ZC3H7A: variants seen among roughly 807,000 people sequenced by gnomAD.
ZC3H7A encodes the protein zinc finger CCCH domain-containing protein 7A.
In ZC3H7A, 44 loss-of-function variants were observed where a neutral mutation model predicts 125.5. The ratio of observed to expected loss-of-function variants is 0.35; its 90% CI spans 0.28 to 0.45. The LOEUF (loss-of-function observed/expected upper bound fraction) is 0.45. ZC3H7A is among the 20% of genes least tolerant of loss of function. ZC3H7A has a pLI of 1.00. For synonymous variants in ZC3H7A, 399 were observed against 391.2 expected (o/e 1.02, Z -0.23); for missense variants, 977 against 1,170.7 (o/e 0.83, Z 2.41).
intron 4 of ZC3H7A, among the ~76,000 whole-genome samples, 170 bp from the exon 5 acceptor site, chr16:11,777,079 C>T (rs2053093307): frequency 6.6e-6 from 1 of 152,036 alleles, no homozygotes; most frequent in Non-Finnish European, 1.5e-5. Flanking sequence ...ATTTCAAATA[C>T]AAAAAAGTAG....
intron 13 of ZC3H7A, among the ~76,000 whole-genome samples, chr16:11,766,437 C>A (rs147788644): frequency 1.3e-5 from 2 of 152,148 alleles, no homozygotes; most frequent in African/African-American, 2.4e-5. Context: ...GGGCGGCACA[C>A]GCCTGTAATT....
chr16:11,795,986 A>T (rs2053430605), intron 1 of ZC3H7A, among the ~76,000 whole-genome samples: 1 of 151,826 alleles, frequency 6.6e-6, no homozygotes, highest in South Asian at 2.1e-4. Context: ...GTGCGCCACC[A>T]CGCCCAGTTA....
chr16:11,788,215 C>T (rs2053288716), intron 1 of ZC3H7A, among the ~76,000 whole-genome samples: 1 of 152,130 alleles, frequency 6.6e-6, no homozygotes, highest in South Asian at 2.1e-4. Context: ...CTGTCCCCAC[C>T]TCACAGGCCA....
intron 19 of ZC3H7A, among the ~76,000 whole-genome samples, chr16:11,760,139 A>AAAAAAAG (rs1567374777): frequency 4.0e-5 from 6 of 149,702 alleles, no homozygotes; most frequent in African/African-American, 1.2e-4. Context: ...AAAAAAAAAA[A>AAAAAAAG]AAAAAAGAAA....
At chr16:11,751,560 T>C (rs1402218975) in intron 22 of ZC3H7A, 54 bp from the exon 23 acceptor site, 8 of 1,543,652 alleles carry the variant, frequency 5.2e-6, no homozygotes, top group Admixed American at 4.2e-5. Context: ...CTAAAAATCG[T>C]GTCATGATTC....
chr16:11,758,286 A>G (rs2052686628), intron 20 of ZC3H7A, 145 bp downstream of exon 20: 2 of 675,752 alleles, frequency 3.0e-6, no homozygotes, highest in African/African-American at 1.8e-5. Flanking sequence ...TCCAGGCATC[A>G]TCGCCAACAG....
In ZC3H7A at chr16:11,774,972, A is replaced by C. The variant is rs757526930; in HGVS notation, c.619+8T>G. On this transcript the variant is annotated splice_region_variant and intron_variant, in intron 8 of 22. Transcript: ENST00000355758. The stretch of plus-strand genomic sequence containing the variant: ...TTCAAATTGTTAAGATGATATGTGA[A>C]AACATACCTGGCTCAATATCTTCCA... 6.2e-7 allele frequency: 1 copy of C among 1,614,152 alleles called. No individual in the cohort carries two copies. Among genetic ancestry groups the C allele is most frequent in the South Asian group, 1.1e-5 (1 of 91,076 alleles).
chr16:11,767,587 G>T lies in ZC3H7A; in HGVS notation c.1361-9C>A. ...ATCCATTAACTTAGGGCCTGAAAAA[G>T]ATGTAAAGAGGATTGCTTATATGCA... On this transcript the variant is annotated splice_polypyrimidine_tract_variant and intron_variant, in intron 12 of 22. Transcript: ENST00000355758. 6.4e-7 allele frequency: 1 copy of T among 1,550,518 alleles called. No individual in the cohort carries two copies. Among genetic ancestry groups the T allele is most frequent in the East Asian group, 2.3e-5 (1 of 42,926 alleles).
At chr16:11,768,132 C>A (rs9937347) in intron 12 of ZC3H7A, among the ~76,000 whole-genome samples, 183 bp downstream of exon 12, 5,804 of 152,120 alleles carry the variant, frequency 0.038, 391 homozygotes, top group African/African-American at 0.13. Context: ...AAGAGCAGAG[C>A]CTTATCCTAT....
intron 16 of ZC3H7A, chr16:11,763,192 C>T (rs2052781933): frequency 2.3e-5 from 6 of 261,900 alleles, no homozygotes; most frequent in Non-Finnish European, 4.4e-5. Flanking sequence ...ACTGCAACCT[C>T]TGCCTCCCAG....
At chr16:11,789,488 A>C (rs2053315175) in intron 1 of ZC3H7A, among the ~76,000 whole-genome samples, 1 of 151,786 alleles carries the variant, frequency 6.6e-6, no homozygotes, top group Non-Finnish European at 1.5e-5. Context: ...TCCTGACCTC[A>C]GGTGATCGGC....
intron 15 of ZC3H7A, among the ~76,000 whole-genome samples, chr16:11,764,813 T>A (rs994187357): frequency 1.3e-5 from 2 of 152,194 alleles, no homozygotes; most frequent in Non-Finnish European, 2.9e-5. Context: ...AATACCTAAA[T>A]CCATGTCATG....
At position 11,767,556 on chromosome 16, in the gene ZC3H7A, A is replaced by G; in HGVS notation, c.1383T>C (p.Thr461=). 1 of 1,590,168 alleles carries G rather than the reference A, an allele frequency of 6.3e-7. No homozygotes were observed. The highest frequency in any genetic ancestry group is 8.5e-7 in the Non-Finnish European group (1 of 1,169,952). Reference sequence around the variant, plus strand: ...ACTTATGATCTATGTTAGCATGGTAAGTGAAATCCATTAACTTAGGGCCTG... The same window carrying G: ...ACTTATGATCTATGTTAGCATGGTAGGTGAAATCCATTAACTTAGGGCCTG... ...VKSGPKLMDF[T]YHANIDHKCK... The change falls in exon 13 of 23, where the codon ACT becomes ACC. Residue 461 remains threonine, a synonymous_variant. Coordinates refer to ENST00000355758, the MANE Select transcript of ZC3H7A (RefSeq NM_014153.4).
At chr16:11,791,588 C>A (rs919665047) in intron 1 of ZC3H7A, among the ~76,000 whole-genome samples, 1 of 152,100 alleles carries the variant, frequency 6.6e-6, no homozygotes. Context: ...AGTAAGCAGC[C>A]CAGTGTAAAG....
In ZC3H7A at chr16:11,751,268, T is replaced by G; in HGVS notation, c.*49A>C. 6.5e-7 allele frequency: 1 copy of G among 1,540,876 alleles called. No individual in the cohort carries two copies. Among genetic ancestry groups the G allele is most frequent in the African/African-American group, 1.4e-5 (1 of 72,578 alleles). The stretch of plus-strand genomic sequence containing the variant: ...GCTATGTGCCTCAGAACACTTTCAA[T>G]TTTTCTGGTCAATGCTCTGATTAGG... On this transcript the variant is annotated 3_prime_UTR_variant, in exon 23 of 23. Transcript: ENST00000355758.
chr16:11,773,619 A>G (rs1316837781), intron 9 of ZC3H7A, among the ~76,000 whole-genome samples: 1 of 151,852 alleles, frequency 6.6e-6, no homozygotes, highest in East Asian at 1.9e-4. Flanking sequence ...ATGGTAGCTC[A>G]CGCTTGTAAT....
At chr16:11,795,589 C>A (rs2053424272) in intron 1 of ZC3H7A, among the ~76,000 whole-genome samples, 1 of 152,060 alleles carries the variant, frequency 6.6e-6, no homozygotes, top group African/African-American at 2.4e-5. Flanking sequence ...GCGCCTGCCA[C>A]CACGCCTGGC....
chr16:11,752,506 G>A (rs952415629), intron 22 of ZC3H7A, among the ~76,000 whole-genome samples, 163 bp downstream of exon 22: 8 of 152,226 alleles, frequency 5.3e-5, no homozygotes, highest in African/African-American at 1.2e-4. Flanking sequence ...ATGGTTTGAT[G>A]AGCAGCGAAA....
rs372639592 is a variant in ZC3H7A, at chr16:11,767,409, G to C, written c.1522+8C>G. On this transcript the variant is annotated splice_region_variant and intron_variant, in intron 13 of 22. Transcript: ENST00000355758. ...AATGTATACTAATTAAGTAATTACA[G>C]TACATACCTTTACATATATAATATG... 324 of 1,549,062 alleles carry C rather than the reference G, an allele frequency of 2.1e-4. No individual in the cohort carries two copies. The highest frequency in any genetic ancestry group is 4.4e-4 in the Admixed American group (25 of 57,002).
Sources: gnomAD v4.1 joint callset for allele counts (sites outside exome capture counted in the v4.1 genomes callset) on GRCh38, gnomAD v4.1.1 for gene constraint, MANE v1.5 for transcripts, NCBI Gene and HGNC (gene_info 2026-07-23, HGNC 2026-07-21) for gene names.